The following ZNF516 variants were observed in gnomAD, a reference collection of about 807,000 sequenced individuals.
ZNF516 encodes zinc finger protein 516.
A neutral mutation model predicts 79.7 loss-of-function variants in ZNF516; 19 were observed. That is an observed-to-expected ratio of 0.24 (90% CI 0.17 to 0.35). The LOEUF is 0.35. Among genes scored for constraint, ZNF516 ranks in the 10% least tolerant of loss-of-function variants. ZNF516 has a pLI of 1.00. For synonymous variants in ZNF516, 877 were observed against 739.5 expected, an observed-to-expected ratio of 1.19 and a Z score of -3.02; for missense variants, 1,678 against 1,679.5, an observed-to-expected ratio of 1.00 and a Z score of 0.02.
At chr18:76,375,915 A>G (rs540385897) in intron 4 of ZNF516, among the ~76,000 whole-genome samples, 1 of 152,046 alleles carries the variant, frequency 6.6e-6, no homozygotes, top group East Asian at 1.9e-4. Flanking sequence ...ATGGATGGGA[A>G]GGCCCAAGAG....
At position 76,442,116 on chromosome 18, in the gene ZNF516, G is replaced by T. The variant is rs747729807; in HGVS notation, c.939C>A (p.Asp313Glu). Reference sequence around the variant, plus strand: ...CCACGTTGTTGATGGTGGCGATGGGGTCCAGCTCACTCTTGGGCCTGTTCT... The same window carrying T: ...CCACGTTGTTGATGGTGGCGATGGGTTCCAGCTCACTCTTGGGCCTGTTCT... ...GSKNRPKSEL[D>E]PIATINNVVQ... Residue 313 changes from aspartate to glutamate, a missense_variant, in exon 3 of 7, where the codon GAC (aspartate) becomes GAA (glutamate). Asp to Glu is a conservative substitution (Grantham distance 45). Around this residue, in one of 5 missense-constraint regions of ZNF516, gnomAD observed 1,294 missense variants for 1,248.3 expected, o/e 1.04. Coordinates refer to ENST00000443185, the MANE Select transcript of ZNF516 (RefSeq NM_014643.4). 1.9e-6 allele frequency: 3 copies of T among 1,613,978 alleles called. No homozygotes were observed. The highest frequency in any genetic ancestry group is 2.5e-6 in the Non-Finnish European group (3 of 1,179,878).
At chr18:76,385,458 A>C (rs1053138543) in intron 3 of ZNF516, among the ~76,000 whole-genome samples, 2 of 152,226 alleles carry the variant, frequency 1.3e-5, no homozygotes, top group African/African-American at 4.8e-5. Context: ...TTCACTTAAA[A>C]TATTTTTTAT....
chr18:76,444,886 C>T (rs894009936), intron 2 of ZNF516, among the ~76,000 whole-genome samples: 1 of 152,224 alleles, frequency 6.6e-6, no homozygotes, highest in East Asian at 1.9e-4. Context: ...AGGTAGAAAC[C>T]TTATCAAGAA....
intron 2 of ZNF516, among the ~76,000 whole-genome samples, chr18:76,445,112 C>G (rs2848958): frequency 6.6e-6 from 1 of 151,766 alleles, no homozygotes; most frequent in Non-Finnish European, 1.5e-5. Flanking sequence ...CAACAATTAG[C>G]CAGGCATGAT....
intron 3 of ZNF516, among the ~76,000 whole-genome samples, chr18:76,382,613 TA>T (rs1206052672): frequency 2.3e-4 from 35 of 152,120 alleles, no homozygotes; most frequent in Admixed American, 9.8e-4. Context: ...AGTAATAAAC[TA>T]AAAGTGAATA....
At chr18:76,441,159 C>G in intron 3 of ZNF516, 86 bp downstream of exon 3, 1 of 1,485,136 alleles carries the variant, frequency 6.7e-7, no homozygotes, top group Non-Finnish European at 9.0e-7. Context: ...AATGAGCGAG[C>G]CTACTTGAGT....
chr18:76,479,585 C>A (rs962115213), intron 1 of ZNF516, among the ~76,000 whole-genome samples: 3 of 152,190 alleles, frequency 2.0e-5, no homozygotes, highest in Non-Finnish European at 2.9e-5. Context: ...GAAGTCACAC[C>A]ACATGTGGAA....
chr18:76,449,039 T>A (rs992177610), intron 2 of ZNF516, among the ~76,000 whole-genome samples: 2 of 152,090 alleles, frequency 1.3e-5, no homozygotes, highest in Non-Finnish European at 2.9e-5. Context: ...CACCAGGTCC[T>A]CCCTGGCTCC....
At chr18:76,487,037 CAT>C (rs780648154) in intron 1 of ZNF516, among the ~76,000 whole-genome samples, 6 of 152,148 alleles carry the variant, frequency 3.9e-5, no homozygotes, top group African/African-American at 9.7e-5. Context: ...CATATATTTA[CAT>C]GTTTGCTTTC....
At chr18:76,461,387 C>T (rs1200903592) in intron 2 of ZNF516, among the ~76,000 whole-genome samples, 1 of 152,162 alleles carries the variant, frequency 6.6e-6, no homozygotes, top group Non-Finnish European at 1.5e-5. Flanking sequence ...CCCTGTGGCA[C>T]ATGCCACTTC....
chr18:76,480,529 A>ATATATATGTT (rs374464151), intron 1 of ZNF516, among the ~76,000 whole-genome samples: 1 of 142,024 alleles, frequency 7.0e-6, no homozygotes, highest in Non-Finnish European at 1.5e-5. Flanking sequence ...ACACACATAT[A>ATATATATGTT]TTTTTTTTTT....
chr18:76,369,501 T>A (rs1462306417), intron 6 of ZNF516, among the ~76,000 whole-genome samples: 1 of 152,172 alleles, frequency 6.6e-6, no homozygotes, highest in African/African-American at 2.4e-5. Context: ...TAATTAGCAG[T>A]GGGTCCTTGG....
chr18:76,461,551 T>C (rs1339177015), intron 2 of ZNF516, among the ~76,000 whole-genome samples: 3 of 152,216 alleles, frequency 2.0e-5, no homozygotes, highest in Non-Finnish European at 4.4e-5. Flanking sequence ...AAGGAGTCAT[T>C]TGTCACCTAT....
chr18:76,365,323 C>T lies in ZNF516; in HGVS notation c.3433-2766G>A, dbSNP rs144173651. Among the ~76,000 whole-genome samples the T allele has an allele frequency of 6.5e-3, 983 of 152,298 alleles. 10 individuals carry two copies. Among genetic ancestry groups the T allele is most frequent in the African/African-American group, 0.022 (920 of 41,550 alleles). ...TTCATATTTCAGCAGACATTCTGGTCTTTCAATAAATCCCAAAACCACGAG... is the reference window on the plus strand; with the variant it reads ...TTCATATTTCAGCAGACATTCTGGTTTTTCAATAAATCCCAAAACCACGAG... On this transcript the variant is annotated intron_variant, in intron 6 of 6. Transcript: ENST00000443185.
intron 1 of ZNF516, chr18:76,491,039 C>T (rs139814741): frequency 3.1e-5 from 31 of 985,444 alleles, no homozygotes; most frequent in Non-Finnish European, 3.7e-5. Flanking sequence ...CCCAAATCCG[C>T]TCGCGGGCGC....
At chr18:76,452,154 T>C (rs557822400) in intron 2 of ZNF516, among the ~76,000 whole-genome samples, 10 of 152,232 alleles carry the variant, frequency 6.6e-5, no homozygotes, top group Non-Finnish European at 1.2e-4. Flanking sequence ...AAAACGCCAC[T>C]ATCCCAGGGA....
intron 3 of ZNF516, among the ~76,000 whole-genome samples, chr18:76,427,633 AG>A (rs1253127473): frequency 6.6e-6 from 1 of 152,264 alleles, no homozygotes; most frequent in African/African-American, 2.4e-5. Flanking sequence ...AAAACCATAA[AG>A]ACAATTCTGA....
Position 76,442,126 on chromosome 18 carries a change from C to T in ZNF516, c.929G>A (p.Ser310Asn). ...PKTGSKNRPK[S>N]ELDPIATINN... is the part of the protein sequence containing the mutation. ...GATGGTGGCGATGGGGTCCAGCTCA[C>T]TCTTGGGCCTGTTCTTGCTGCCCGT... The change falls in exon 3 of 7, where the codon AGT becomes AAT. Residue 310 changes from serine (S) to asparagine (N), a missense_variant. Transcript: ENST00000443185. 1.9e-6 allele frequency: 3 copies of T among 1,614,006 alleles called. No individual in the cohort carries two copies. Among genetic ancestry groups the T allele is most frequent in the South Asian group, 1.1e-5 (1 of 91,088 alleles).
At chr18:76,483,188 G>A (rs1914626246) in intron 1 of ZNF516, among the ~76,000 whole-genome samples, 2 of 152,152 alleles carry the variant, frequency 1.3e-5, no homozygotes, top group East Asian at 1.9e-4. Context: ...GAAGGCAGGC[G>A]GGGTGGAGAC....
Sources: allele counts gnomAD v4.1 joint callset (sites outside exome capture counted in the v4.1 genomes callset), GRCh38; gene constraint gnomAD v4.1.1; regional missense constraint gnomAD v4.1.1; transcripts MANE v1.5; gene names NCBI Gene and HGNC (gene_info 2026-07-23, HGNC 2026-07-21).